PHYH: variants seen among roughly 807,000 people sequenced by gnomAD.
PHYH encodes the protein phytanoyl-CoA dioxygenase, peroxisomal.
In PHYH, 32 loss-of-function variants were observed where a neutral mutation model predicts 38.5. That is an observed-to-expected ratio of 0.83 (90% confidence interval 0.63 to 1.12). The LOEUF is 1.12. Ranked by LOEUF, PHYH falls within the 50% of genes most tolerant of loss-of-function variation. PHYH has a pLI of 0.00. For synonymous variants in PHYH, 166 were observed against 157.9 expected (o/e 1.05, Z -0.38); for missense variants, 426 against 434.8 (o/e 0.98, Z 0.18).
At chr10:13,281,304 G>A (rs1162309221) in intron 7 of PHYH, among the ~76,000 whole-genome samples, 194 bp from the exon 8 acceptor site, 1 of 151,962 alleles carries the variant, frequency 6.6e-6, no homozygotes, top group Non-Finnish European at 1.5e-5. Flanking sequence ...GAAGTTAATT[G>A]AGAAATTTCA....
At chr10:13,285,689 C>G (rs1299535837) in intron 6 of PHYH, among the ~76,000 whole-genome samples, 2 of 150,682 alleles carry the variant, frequency 1.3e-5, no homozygotes, top group Non-Finnish European at 2.9e-5. Context: ...ACTGCAAACT[C>G]CACCTCCTGG....
chr10:13,278,909 T>C (rs1173476236), intron 8 of PHYH, among the ~76,000 whole-genome samples: 2 of 152,192 alleles, frequency 1.3e-5, no homozygotes, highest in Non-Finnish European at 2.9e-5. Flanking sequence ...GTCAGTTCTG[T>C]TTTATTCAGG....
chr10:13,280,249 G>A (rs991811007), intron 8 of PHYH, among the ~76,000 whole-genome samples: 1 of 152,168 alleles, frequency 6.6e-6, no homozygotes, highest in Non-Finnish European at 1.5e-5. Flanking sequence ...TTACAGGCGT[G>A]AGCCACCTCG....
chr10:13,285,847 G>A (rs538502798), intron 6 of PHYH, among the ~76,000 whole-genome samples: 5 of 151,534 alleles, frequency 3.3e-5, no homozygotes, highest in East Asian at 2.0e-4. Flanking sequence ...CAAGTGATCC[G>A]CCCACCTCAG....
chr10:13,295,502 C>T lies in PHYH; in HGVS notation c.239G>A (p.Arg80His), dbSNP rs756698271. The T allele has an allele frequency of 6.9e-6, 10 of 1,457,222 alleles. No homozygotes were observed. Among genetic ancestry groups the T allele is most frequent in the South Asian group, 2.3e-5 (2 of 87,842 alleles). The allele number at this position is 1,457,222 out of a possible 1,614,324, so 90.3% of individuals were successfully genotyped here. The change falls in exon 3 of 9, where the codon CGC (arginine) becomes CAC (histidine). Residue 80 changes from arginine to histidine, a missense_variant. Transcript: ENST00000263038. ...KNLVPDADIQ[R>H]FRNEFEKICR... ...ACAAATAGTGTTACTGTACCGAAAG[C>T]GTTGAATATCGGCATCAGGTACAAG... is the stretch of plus-strand genomic sequence containing the variant.
intron 8 of PHYH, among the ~76,000 whole-genome samples, chr10:13,280,540 C>A (rs1184999093): frequency 6.6e-6 from 1 of 152,100 alleles, no homozygotes; most frequent in Non-Finnish European, 1.5e-5. Context: ...GAGATGGAGT[C>A]TCACTGTGTT....
At chr10:13,296,564 GAAAAA>G (rs1219238482) in intron 2 of PHYH, among the ~76,000 whole-genome samples, 1 of 68,272 alleles carries the variant, frequency 1.5e-5, no homozygotes, top group Admixed American at 1.6e-4. Flanking sequence ...CTCCATCTCA[GAAAAA>G]AAAAAAAAAA....
Position 13,295,549 on chromosome 10 carries a change from A to G in PHYH, c.192T>C (p.Asn64=), listed in dbSNP as rs145000664. The change falls in exon 3 of 9, where the codon AAT becomes AAC. Residue 64 remains asparagine (N), a synonymous_variant. Coordinates refer to ENST00000263038, the MANE Select transcript of PHYH (RefSeq NM_006214.4). ...CAAGATTTTTGATTACTAGAAACCC[A>G]TTTTCTTCATAAAATTTTCTCTGTT... is the stretch of plus-strand genomic sequence containing the variant. ...TLEQRKFYEE[N]GFLVIKNLVP... The G allele has an allele frequency of 2.6e-6, 4 of 1,566,712 alleles. No individual in the cohort carries two copies. In the African/African-American group the frequency reaches 5.4e-5, roughly 21 times the overall value.
At chr10:13,287,754 G>A (rs61046683) in intron 6 of PHYH, among the ~76,000 whole-genome samples, 17,242 of 152,214 alleles carry the variant, frequency 0.11, 1,137 homozygotes, top group African/African-American at 0.15. Flanking sequence ...ATCAGTTAGT[G>A]AGTAAGACTG....
At chr10:13,280,417 C>T (rs1416567635) in intron 8 of PHYH, among the ~76,000 whole-genome samples, 1 of 152,192 alleles carries the variant, frequency 6.6e-6, no homozygotes, top group East Asian at 1.9e-4. Context: ...CAGCTCACTG[C>T]AGCCTTGACC....
chr10:13,294,652 T>TTTCCACAGAGGAGGGCA, intron 3 of PHYH, 56 bp from the exon 4 acceptor site: 1 of 1,488,904 alleles, frequency 6.7e-7, no homozygotes, highest in Non-Finnish European at 9.3e-7. Context: ...GCACCTGCCC[T>TTTCCACAGAGGAGGGCA]GCCCTCCTCT....
intron 3 of PHYH, chr10:13,295,262 GAGGCCGCAGT>G (rs1477380156): frequency 1.7e-4 from 84 of 494,966 alleles, no homozygotes; most frequent in Admixed American, 3.4e-5. Flanking sequence ...CCAGGAACTT[GAGGCCGCAGT>G]AAGCTATGAT....
chr10:13,285,606 C>CTTTTTT (rs36040564), intron 6 of PHYH, among the ~76,000 whole-genome samples: 8 of 127,524 alleles, frequency 6.3e-5, no homozygotes, highest in African/African-American at 1.2e-4. Flanking sequence ...CTTTTCTTTT[C>CTTTTTT]TTTTTTTTTT....
intron 5 of PHYH, among the ~76,000 whole-genome samples, chr10:13,290,203 G>A (rs1316299696): frequency 5.3e-5 from 8 of 150,562 alleles, no homozygotes; most frequent in African/African-American, 2.0e-4. Context: ...GATGAGGCAG[G>A]AGAATCACTC....
rs748546476 is a variant in PHYH at position 13,294,415 on chromosome 10, G to A, written c.414+13C>T. On this transcript the variant is annotated intron_variant, in intron 4 of 8. Coordinates refer to ENST00000263038, the MANE Select transcript of PHYH (RefSeq NM_006214.4). Reference sequence around the variant, plus strand: ...GGCAATTAAGCCGACGCAAAGCAAGGGTGGTCTCTGACCTCGGGGAGAGTG... The same window carrying A: ...GGCAATTAAGCCGACGCAAAGCAAGAGTGGTCTCTGACCTCGGGGAGAGTG... 3 of 1,613,384 alleles carry A rather than the reference G, an allele frequency of 1.9e-6. No homozygotes were observed. Among genetic ancestry groups the A allele is most frequent in the South Asian group, 2.2e-5 (2 of 91,062 alleles).
At chr10:13,293,551 C>T (rs368078395) in intron 4 of PHYH, among the ~76,000 whole-genome samples, 2 of 152,088 alleles carry the variant, frequency 1.3e-5, no homozygotes, top group African/African-American at 2.4e-5. Context: ...CTGCCCACCT[C>T]GGCCTCCCAA....
At chr10:13,292,660 C>T (rs1181438734) in intron 4 of PHYH, among the ~76,000 whole-genome samples, 2 of 152,098 alleles carry the variant, frequency 1.3e-5, no homozygotes, top group Non-Finnish European at 2.9e-5. Flanking sequence ...AGGTCGGGTG[C>T]GTTAGCGCAC....
intron 8 of PHYH, 110 bp from the exon 9 acceptor site, chr10:13,278,464 A>G: frequency 1.3e-6 from 1 of 784,826 alleles, no homozygotes; most frequent in South Asian, 1.4e-5. Flanking sequence ...ATGAAAGGTT[A>G]CATAGGGAAA....
At position 13,298,308 on chromosome 10, in the gene PHYH, T is replaced by G. The variant is rs1045711477; in HGVS notation, c.76-63A>C. The stretch of plus-strand genomic sequence containing the variant: ...AAGGCCAGGCACGGTGGCTCATGCC[T>G]GTAATTCCAGCACTTTGGGAGGCTG... On this transcript the variant is annotated intron_variant, in intron 1 of 8. Transcript: ENST00000263038. The G allele has an allele frequency of 1.4e-5, 14 of 1,002,284 alleles. No individual in the cohort carries two copies. In the Admixed American group the frequency reaches 1.7e-4, roughly 12 times the overall value. 62.1% of individuals were successfully genotyped at this position (1,002,284 alleles called of 1,614,324 possible). A position where few individuals can be genotyped will look rare whatever the true frequency, so the allele number is the denominator to read the frequency against.
Sources: allele counts gnomAD v4.1 joint callset (sites outside exome capture counted in the v4.1 genomes callset), GRCh38; gene constraint gnomAD v4.1.1; transcripts MANE v1.5; gene names NCBI Gene and HGNC (gene_info 2026-07-23, HGNC 2026-07-21).